Variants in FHIT observed in about 807,000 individuals in gnomAD.
FHIT encodes the protein bis(5'-adenosyl)-triphosphatase.
A neutral mutation model predicts 17.9 loss-of-function variants in FHIT; 19 were observed. The observed-to-expected ratio is 1.06, with a 90% CI of 0.74 to 1.56. FHIT has a LOEUF of 1.56. Among genes scored for constraint, FHIT ranks in the 40% most tolerant of loss-of-function variants. The probability of loss-of-function intolerance (pLI) is 0.00; values close to 1 mark genes in which losing one functional copy is unlikely to be tolerated. For missense variants in FHIT, 248 were observed against 189.2 expected, an observed-to-expected ratio of 1.31 and a Z score of -1.82; for synonymous variants, 81 against 69.7, an observed-to-expected ratio of 1.16 and a Z score of -0.81.
chr3:60,265,313 GCAAA>G (rs1414601629), intron 5 of FHIT, among the ~76,000 whole-genome samples: 1 of 151,956 alleles, frequency 6.6e-6, no homozygotes, highest in African/African-American at 2.4e-5. Context: ...AAAACATTAA[GCAAA>G]CAGAGAAAGA....
intron 7 of FHIT, among the ~76,000 whole-genome samples, chr3:59,985,751 T>C (rs1193604533): frequency 6.6e-6 from 1 of 152,130 alleles, no homozygotes; most frequent in Non-Finnish European, 1.5e-5. Context: ...GCACATGCCC[T>C]TAAGAGACAT....
chr3:61,000,633 G>GA (rs892446817), intron 3 of FHIT, among the ~76,000 whole-genome samples: 6 of 151,740 alleles, frequency 4.0e-5, no homozygotes, highest in Admixed American at 6.6e-5. Context: ...CTAAAACCTG[G>GA]AAAAAAAAGG....
intron 5 of FHIT, among the ~76,000 whole-genome samples, chr3:60,203,956 A>AG (rs1290352234): frequency 1.3e-5 from 2 of 152,216 alleles, no homozygotes; most frequent in Non-Finnish European, 2.9e-5. Context: ...GGTCATGGGG[A>AG]GGGGGGTGAA....
Position 60,714,450 on chromosome 3 carries a change from G to A in FHIT, c.-18+107469C>T, listed in dbSNP as rs370942997. Among the ~76,000 whole-genome samples the A allele has an allele frequency of 1.5e-3, 235 of 152,116 alleles. 1 individual carries two copies. Among genetic ancestry groups the A allele is most frequent in the Middle Eastern group, 3.4e-3 (1 of 294 alleles). ...TCTGGCCAGGGCAATTAGGCAGGAG[G>A]AGGAAATAAAGGGTATTCAATTAGG... On this transcript the variant is annotated intron_variant, in intron 4 of 9. Transcript: ENST00000492590.
intron 7 of FHIT, among the ~76,000 whole-genome samples, chr3:59,944,501 TA>T (rs1706696420): frequency 1.6e-5 from 2 of 125,518 alleles, no homozygotes; most frequent in African/African-American, 5.5e-5. Flanking sequence ...TGCCCTTTAT[TA>T]AACATTTTTT....
At chr3:60,570,468 G>C (rs912347222) in intron 4 of FHIT, among the ~76,000 whole-genome samples, 3 of 152,030 alleles carry the variant, frequency 2.0e-5, no homozygotes, top group African/African-American at 7.2e-5. Flanking sequence ...GAGGAGATAA[G>C]AACCTGTAAC....
chr3:59,912,132 C>T (rs921059149), intron 8 of FHIT, among the ~76,000 whole-genome samples: 22 of 152,334 alleles, frequency 1.4e-4, no homozygotes, highest in African/African-American at 5.3e-4. Context: ...ATGAGCACTT[C>T]ATTGTATCTA....
At chr3:60,513,337 G>A (rs2035020153) in intron 5 of FHIT, among the ~76,000 whole-genome samples, 1 of 152,118 alleles carries the variant, frequency 6.6e-6, no homozygotes, top group Admixed American at 6.5e-5. Flanking sequence ...ACCACCCATG[G>A]AATTTCCCAG....
At chr3:60,229,666 A>C (rs1180487603) in intron 5 of FHIT, among the ~76,000 whole-genome samples, 1 of 152,160 alleles carries the variant, frequency 6.6e-6, no homozygotes, top group Non-Finnish European at 1.5e-5. Flanking sequence ...ATGTAGATGA[A>C]CTTTTGAGAG....
At chr3:60,088,515 G>C (rs1402173127) in intron 5 of FHIT, among the ~76,000 whole-genome samples, 1 of 152,096 alleles carries the variant, frequency 6.6e-6, no homozygotes. Flanking sequence ...ATCATGTCAT[G>C]GAAACCCCAA....
chr3:61,067,712 G>C (rs1439873516), intron 2 of FHIT, among the ~76,000 whole-genome samples: 1 of 152,122 alleles, frequency 6.6e-6, no homozygotes, highest in African/African-American at 2.4e-5. Flanking sequence ...GTATTCAAAG[G>C]CACTTTTCTC....
intron 8 of FHIT, among the ~76,000 whole-genome samples, chr3:59,878,900 C>A (rs1389601143): frequency 1.3e-5 from 2 of 152,094 alleles, no homozygotes; most frequent in Admixed American, 6.6e-5. Flanking sequence ...ATTTTTTTTA[C>A]TCCCCTTGTT....
intron 2 of FHIT, among the ~76,000 whole-genome samples, chr3:61,134,806 C>T (rs2036866833): frequency 6.6e-6 from 1 of 152,116 alleles, no homozygotes; most frequent in Admixed American, 6.5e-5. Flanking sequence ...CCAGAACCTC[C>T]AGAGAAGTAC....
At chr3:60,670,653 GA>G (rs1459292259) in intron 4 of FHIT, among the ~76,000 whole-genome samples, 3 of 152,130 alleles carry the variant, frequency 2.0e-5, no homozygotes, top group African/African-American at 4.8e-5. Flanking sequence ...GTAATCAGAA[GA>G]AAAACGAGTC....
At chr3:61,244,423 T>C (rs1055557515) in intron 1 of FHIT, among the ~76,000 whole-genome samples, 11 of 152,218 alleles carry the variant, frequency 7.2e-5, no homozygotes, top group African/African-American at 2.4e-4. Flanking sequence ...ATTTTGTCCA[T>C]CAAATTTAGA....
intron 1 of FHIT, among the ~76,000 whole-genome samples, chr3:61,249,560 G>A (rs2040563735): frequency 6.6e-6 from 1 of 152,220 alleles, no homozygotes; most frequent in East Asian, 1.9e-4. Flanking sequence ...AAGCAGAAGG[G>A]CTTACAGTCT....
intron 5 of FHIT, among the ~76,000 whole-genome samples, chr3:60,335,664 G>GCA (rs372511481): frequency 1.6e-4 from 24 of 151,888 alleles, no homozygotes; most frequent in East Asian, 9.7e-4. Flanking sequence ...CAAAGACTCA[G>GCA]CACACACACA....
chr3:60,447,850 T>C (rs776159662), intron 5 of FHIT, among the ~76,000 whole-genome samples: 2 of 152,088 alleles, frequency 1.3e-5, no homozygotes, highest in East Asian at 3.9e-4. Flanking sequence ...GATGAAGACG[T>C]ATGTAGTAAA....
At chr3:60,441,797 T>TTTATATATATAAAA (rs1559916441) in intron 5 of FHIT, among the ~76,000 whole-genome samples, 1 of 120,476 alleles carries the variant, frequency 8.3e-6, no homozygotes, top group East Asian at 2.5e-4. Context: ...TATATATATA[T>TTTATATATATAAAA]ATATATATAT....
Sources: allele counts gnomAD v4.1 joint callset (sites outside exome capture counted in the v4.1 genomes callset), GRCh38; gene constraint gnomAD v4.1.1; transcripts MANE v1.5; gene names NCBI Gene and HGNC (gene_info 2026-07-23, HGNC 2026-07-21).